FMN2: variants seen among roughly 807,000 people sequenced by gnomAD.
The protein encoded by FMN2 is formin 2, also known as formin-2.
FMN2 carries 51 observed loss-of-function variants against 142.3 expected under a neutral mutation model. The ratio of observed to expected loss-of-function variants is 0.36; its 90% CI spans 0.29 to 0.45. The LOEUF is 0.45. Among genes scored for constraint, FMN2 ranks in the 20% least tolerant of loss-of-function variants. FMN2 has a pLI of 1.00. For missense variants in FMN2, 1,936 were observed against 2,122.8 expected, an observed-to-expected ratio of 0.91 and a Z score of 1.73; for synonymous variants, 882 against 869.8, an observed-to-expected ratio of 1.01 and a Z score of -0.25.
At chr1:240,174,396 C>A (rs1383488124) in intron 2 of FMN2, among the ~76,000 whole-genome samples, 1 of 152,142 alleles carries the variant, frequency 6.6e-6, no homozygotes, top group Non-Finnish European at 1.5e-5. Context: ...GCTCTGTTGT[C>A]CAGGCTAGAG....
intron 15 of FMN2, among the ~76,000 whole-genome samples, chr1:240,406,881 C>A (rs1239176246): frequency 6.6e-6 from 1 of 152,116 alleles, no homozygotes; most frequent in Admixed American, 6.5e-5. Context: ...AACAATCAAG[C>A]TTACAGATAT....
intron 6 of FMN2, among the ~76,000 whole-genome samples, chr1:240,220,596 A>C (rs1276843411): frequency 6.6e-6 from 1 of 152,066 alleles, no homozygotes; most frequent in Non-Finnish European, 1.5e-5. Flanking sequence ...TGGTGTCCCC[A>C]GGAAAGCATT....
intron 1 of FMN2, among the ~76,000 whole-genome samples, chr1:240,107,459 T>A (rs1661655599): frequency 1.3e-5 from 2 of 152,234 alleles, no homozygotes; most frequent in African/African-American, 4.8e-5. Context: ...AGAGTCACTT[T>A]TATGGATTTA....
At chr1:240,337,704 G>A (rs1362523809) in intron 13 of FMN2, among the ~76,000 whole-genome samples, 3 of 152,176 alleles carry the variant, frequency 2.0e-5, no homozygotes. Flanking sequence ...TAGCTCATCT[G>A]CTGGCTCTAG....
intron 13 of FMN2, among the ~76,000 whole-genome samples, chr1:240,343,861 C>G (rs1475556360): frequency 6.6e-6 from 1 of 151,872 alleles, no homozygotes; most frequent in African/African-American, 2.4e-5. Context: ...TCTGAGTGGA[C>G]AAGGGGTGTG....
chr1:240,348,445 A>T (rs1182632967), intron 13 of FMN2, among the ~76,000 whole-genome samples: 3 of 150,560 alleles, frequency 2.0e-5, no homozygotes, highest in Non-Finnish European at 4.4e-5. Flanking sequence ...TTGGTCTCGA[A>T]CTCCTGACCT....
intron 15 of FMN2, among the ~76,000 whole-genome samples, chr1:240,395,404 A>G (rs1348658111): frequency 6.6e-6 from 1 of 152,164 alleles, no homozygotes; most frequent in Non-Finnish European, 1.5e-5. Flanking sequence ...ATTAGTTAAG[A>G]AATACATTTG....
At chr1:240,270,507 C>T (rs1295142155) in intron 7 of FMN2, among the ~76,000 whole-genome samples, 1 of 152,040 alleles carries the variant, frequency 6.6e-6, no homozygotes, top group Non-Finnish European at 1.5e-5. Context: ...AGTAGTACTG[C>T]AACAGCACCT....
chr1:240,233,655 T>C (rs1188223470), intron 6 of FMN2, among the ~76,000 whole-genome samples: 1 of 152,178 alleles, frequency 6.6e-6, no homozygotes, highest in East Asian at 1.9e-4. Context: ...ATTAATTAAT[T>C]AGTAGGACCT....
intron 13 of FMN2, among the ~76,000 whole-genome samples, chr1:240,335,766 A>G (rs575615210): frequency 1.5e-4 from 23 of 152,180 alleles, no homozygotes; most frequent in Non-Finnish European, 2.8e-4. Context: ...TTAAACATAC[A>G]TGTAATTATG....
intron 15 of FMN2, among the ~76,000 whole-genome samples, chr1:240,410,171 A>G (rs2103124009): frequency 6.6e-6 from 1 of 152,304 alleles, no homozygotes; most frequent in Non-Finnish European, 1.5e-5. Context: ...TGAAAAAAAA[A>G]AAATAGAAGG....
At chr1:240,373,274 T>C (rs1418977227) in intron 14 of FMN2, among the ~76,000 whole-genome samples, 1 of 152,186 alleles carries the variant, frequency 6.6e-6, no homozygotes, top group Admixed American at 6.5e-5. Context: ...TGTTGACAGC[T>C]GCTCGCTGAC....
At chr1:240,385,624 C>T (rs1394545164) in intron 14 of FMN2, among the ~76,000 whole-genome samples, 6 of 152,070 alleles carry the variant, frequency 3.9e-5, no homozygotes, top group Non-Finnish European at 8.8e-5. Flanking sequence ...CTCGTGGATG[C>T]GTATTATGTT....
At chr1:240,388,634 G>T (rs971776773) in intron 14 of FMN2, among the ~76,000 whole-genome samples, 2 of 152,188 alleles carry the variant, frequency 1.3e-5, no homozygotes, top group Middle Eastern at 3.4e-3. Flanking sequence ...GGCTGAGGCA[G>T]GTGGATCACC....
intron 16 of FMN2, chr1:240,458,734 T>A (rs1182225850): frequency 1.3e-5 from 2 of 152,236 alleles, no homozygotes; most frequent in African/African-American, 4.8e-5. Context: ...AAAAGATGAA[T>A]CTGGCTGTCA....
At chr1:240,248,451 ATATATATAACAT>A (rs1193561948) in intron 6 of FMN2, among the ~76,000 whole-genome samples, 4 of 147,726 alleles carry the variant, frequency 2.7e-5, no homozygotes, top group African/African-American at 7.4e-5. Context: ...ATATATATAT[ATATATATAACAT>A]ACATGTTATA....
chr1:240,413,993 CAG>C (rs1010473957), intron 15 of FMN2, among the ~76,000 whole-genome samples: 13 of 152,166 alleles, frequency 8.5e-5, no homozygotes, highest in Non-Finnish European at 1.8e-4. Flanking sequence ...GCTAGTGAAA[CAG>C]AGATTTATCC....
intron 7 of FMN2, among the ~76,000 whole-genome samples, chr1:240,259,314 G>C (rs761244909): frequency 3.3e-5 from 5 of 152,218 alleles, no homozygotes; most frequent in Admixed American, 3.3e-4. Context: ...CCTGACATCT[G>C]TGTCTGTGGT....
At chr1:240,210,969 C>G (rs1666668186) in intron 5 of FMN2, 122 bp from the exon 6 acceptor site, 1 of 828,560 alleles carries the variant, frequency 1.2e-6, no homozygotes, top group Non-Finnish European at 1.8e-6. Context: ...TCTTATCTCT[C>G]TTCTTTTTCC....
Sources: allele counts gnomAD v4.1 joint callset (sites outside exome capture counted in the v4.1 genomes callset), GRCh38; gene constraint gnomAD v4.1.1; transcripts MANE v1.5; gene names NCBI Gene and HGNC (gene_info 2026-07-23, HGNC 2026-07-21).